The following TLK1 variants were observed in gnomAD, a reference collection of about 807,000 sequenced individuals.
The protein encoded by TLK1 is serine/threonine-protein kinase tousled-like 1.
A neutral mutation model predicts 105.3 loss-of-function variants in TLK1; 24 were observed. That is an observed-to-expected ratio of 0.23 (90% CI 0.17 to 0.32). The LOEUF is 0.32. TLK1 is among the 10% of genes least tolerant of loss of function. The pLI is 1.00. For missense variants in TLK1, 558 were observed against 910.5 expected (o/e 0.61, Z 4.98); for synonymous variants, 321 against 310.4 (o/e 1.03, Z -0.36).
intron 2 of TLK1, among the ~76,000 whole-genome samples, chr2:171,093,802 A>C (rs1011097144): frequency 1.3e-5 from 2 of 152,194 alleles, no homozygotes; most frequent in Admixed American, 1.3e-4. Flanking sequence ...GGCTACATAA[A>C]GGTAGATCTG....
chr2:171,104,185 A>AGC (rs1220522161), intron 2 of TLK1, among the ~76,000 whole-genome samples: 4 of 151,860 alleles, frequency 2.6e-5, no homozygotes, highest in African/African-American at 9.7e-5. Flanking sequence ...CTGAGGCATG[A>AGC]GAATTGCTTG....
At chr2:171,116,830 T>A (rs1328093595) in intron 2 of TLK1, among the ~76,000 whole-genome samples, 1 of 152,206 alleles carries the variant, frequency 6.6e-6, no homozygotes, top group African/African-American at 2.4e-5. Flanking sequence ...GAAATACTCA[T>A]GCACTCCGCT....
chr2:171,013,318 CTTT>C (rs774923512), intron 13 of TLK1, among the ~76,000 whole-genome samples: 295 of 74,130 alleles, frequency 4.0e-3, no homozygotes, highest in African/African-American at 0.015. Flanking sequence ...TGGCCCCTCA[CTTT>C]TTTTTTTTTT....
chr2:171,174,883 A>G (rs781210878), intron 1 of TLK1, among the ~76,000 whole-genome samples: 1 of 151,962 alleles, frequency 6.6e-6, no homozygotes, highest in South Asian at 2.1e-4. Context: ...TTTTAGTAAT[A>G]TTACCCTTAA....
chr2:171,003,277 A>G, intron 18 of TLK1, among the ~76,000 whole-genome samples: 1 of 75,028 alleles, frequency 1.3e-5, no homozygotes, highest in African/African-American at 3.9e-5. Context: ...CCGTCTCAAA[A>G]AAAAAAAAAA....
intron 2 of TLK1, among the ~76,000 whole-genome samples, chr2:171,103,768 T>C (rs58621559): frequency 0.019 from 2,830 of 152,342 alleles, 82 homozygotes; most frequent in African/African-American, 0.065. Flanking sequence ...CCTTCTCTTT[T>C]GTTGAATTAC....
chr2:171,171,544 C>T (rs77333134), intron 1 of TLK1, among the ~76,000 whole-genome samples: 7,312 of 148,732 alleles, frequency 0.049, 472 homozygotes, highest in East Asian at 0.3. Context: ...AAACACAGAG[C>T]GGAAAAAGAT....
At chr2:171,075,382 AGGC>A (rs944583139) in intron 3 of TLK1, among the ~76,000 whole-genome samples, 3 of 152,322 alleles carry the variant, frequency 2.0e-5, no homozygotes, top group African/African-American at 7.2e-5. Flanking sequence ...CAGTGGATAA[AGGC>A]TTAAGACTTG....
At position 171,011,470 on chromosome 2, in the gene TLK1, A is replaced by G; in HGVS notation, c.1335-16T>C. ...ATCTTTGAACCTTAGAGGTGGGGGC[A>G]AAAAACAGACATATTAAAACACACA... On this transcript the variant is annotated splice_polypyrimidine_tract_variant and intron_variant, in intron 13 of 20. Coordinates refer to ENST00000431350, the MANE Select transcript of TLK1 (RefSeq NM_012290.5). 6.2e-7 allele frequency: 1 copy of G among 1,601,730 alleles called. No homozygotes were observed. Among genetic ancestry groups the G allele is most frequent in the Non-Finnish European group, 8.5e-7 (1 of 1,173,614 alleles).
At chr2:171,139,856 G>A (rs1464626624) in intron 1 of TLK1, among the ~76,000 whole-genome samples, 1 of 152,128 alleles carries the variant, frequency 6.6e-6, no homozygotes, top group Non-Finnish European at 1.5e-5. Context: ...GGTTTCAGAT[G>A]AAACTGTTAC....
chr2:171,212,119 C>T (rs565390824), intron 1 of TLK1, among the ~76,000 whole-genome samples: 3 of 152,250 alleles, frequency 2.0e-5, no homozygotes, highest in South Asian at 2.1e-4. Context: ...GGATTACAGG[C>T]GTGAGCCACC....
intron 3 of TLK1, among the ~76,000 whole-genome samples, chr2:171,061,469 G>T (rs184520846): frequency 3.9e-5 from 6 of 152,066 alleles, no homozygotes; most frequent in Non-Finnish European, 7.4e-5. Context: ...ACTGGATGAG[G>T]GGGAAAAAAA....
intron 2 of TLK1, among the ~76,000 whole-genome samples, chr2:171,111,777 G>T (rs1452364820): frequency 2.0e-5 from 3 of 152,058 alleles, no homozygotes; most frequent in African/African-American, 7.2e-5. Context: ...ATATGGTAGG[G>T]TAATGAAAAT....
At chr2:171,043,950 T>C (rs1053180479) in intron 11 of TLK1, among the ~76,000 whole-genome samples, 1 of 152,150 alleles carries the variant, frequency 6.6e-6, no homozygotes, top group Admixed American at 6.5e-5. Context: ...CTTAAACAAA[T>C]TTACTAACTT....
intron 2 of TLK1, among the ~76,000 whole-genome samples, chr2:171,096,975 A>C (rs1010472612): frequency 1.3e-5 from 2 of 152,226 alleles, no homozygotes; most frequent in African/African-American, 4.8e-5. Context: ...GCAATAGAAA[A>C]AACAACCCTA....
At chr2:171,190,989 C>G (rs1367635039) in intron 1 of TLK1, among the ~76,000 whole-genome samples, 12 of 151,536 alleles carry the variant, frequency 7.9e-5, no homozygotes, top group Admixed American at 7.9e-4. Context: ...TGGTGAAACC[C>G]CATCTCTACT....
At chr2:171,010,317 T>G (rs1348697168) in intron 14 of TLK1, among the ~76,000 whole-genome samples, 2 of 152,122 alleles carry the variant, frequency 1.3e-5, no homozygotes, top group African/African-American at 2.4e-5. Context: ...TGTTATATAC[T>G]GAGGTCAGGG....
intron 1 of TLK1, among the ~76,000 whole-genome samples, chr2:171,210,035 G>T (rs1015027247): frequency 6.6e-6 from 1 of 152,112 alleles, no homozygotes; most frequent in African/African-American, 2.4e-5. Context: ...AGCTAATCAG[G>T]TAAATCAAAA....
chr2:171,119,471 C>T (rs955459658), intron 1 of TLK1, among the ~76,000 whole-genome samples: 6 of 152,152 alleles, frequency 3.9e-5, no homozygotes, highest in African/African-American at 1.4e-4. Context: ...TATTATATGC[C>T]AGGTCTGCCA....
Sources: allele counts gnomAD v4.1 joint callset (sites outside exome capture counted in the v4.1 genomes callset), GRCh38; gene constraint gnomAD v4.1.1; transcripts MANE v1.5; gene names NCBI Gene and HGNC (gene_info 2026-07-23, HGNC 2026-07-21).